NLRP9: variants seen among roughly 807,000 people sequenced by gnomAD.
NLRP9 encodes the protein NACHT, LRR and PYD domains-containing protein 9.
Under a neutral mutation model 83.1 loss-of-function variants are expected in NLRP9, and 88 were observed. The observed-to-expected ratio is 1.06, with a 90% CI of 0.89 to 1.26. The LOEUF is 1.26. Ranked by LOEUF, NLRP9 falls within the 50% of genes most tolerant of loss-of-function variation. NLRP9 has a pLI of 0.00. For missense variants in NLRP9, 1,308 were observed against 1,179.3 expected, an observed-to-expected ratio of 1.11 and a Z score of -1.60; for synonymous variants, 521 against 447.6, an observed-to-expected ratio of 1.16 and a Z score of -2.07.
At chr19:55,718,847 T>C (rs1187626635) in intron 4 of NLRP9, among the ~76,000 whole-genome samples, 6 of 152,220 alleles carry the variant, frequency 3.9e-5, no homozygotes. Context: ...TCCACCTGAC[T>C]AGAAATACCC....
At chr19:55,712,039 C>T (rs1048827764) in intron 7 of NLRP9, 69 bp from the exon 8 acceptor site, 1 of 1,488,154 alleles carries the variant, frequency 6.7e-7, no homozygotes, top group African/African-American at 1.4e-5. Flanking sequence ...GCCATTGTTA[C>T]TTGCTAATTA....
At chr19:55,712,732 A>G in intron 6 of NLRP9, 142 bp from the exon 7 acceptor site, 1 of 460,506 alleles carries the variant, frequency 2.2e-6, no homozygotes, top group Non-Finnish European at 3.8e-6. Flanking sequence ...GAAGGAGGAG[A>G]GAAGAATGAG....
chr19:55,737,648 A>C (rs1988818343), intron 1 of NLRP9: 2 of 170,178 alleles, frequency 1.2e-5, no homozygotes, highest in Non-Finnish European at 2.5e-5. Flanking sequence ...TCCTGTAATC[A>C]CAGCACTTTG....
chr19:55,716,793 C>T lies in NLRP9; in HGVS notation c.2265G>A (p.Arg755=). The change falls in exon 5 of 9, where the codon AGG becomes AGA. Residue 755 remains arginine, a synonymous_variant. Coordinates refer to ENST00000332836, the MANE Select transcript of NLRP9 (RefSeq NM_176820.4). ...KHLSLVENPL[R]DEGMTLLCEA... is the part of the protein sequence containing the mutation. ...CACACAGCAACGTCATTCCTTCGTC[C>T]CTCAAGGGATTTTCTACCAAGGAGA... 6.2e-7 allele frequency: 1 copy of T among 1,613,880 alleles called. No individual in the cohort carries two copies. Among genetic ancestry groups the T allele is most frequent in the Non-Finnish European group, 8.5e-7 (1 of 1,179,898 alleles).
At chr19:55,710,322 C>T (rs1287616155) in intron 8 of NLRP9, among the ~76,000 whole-genome samples, 1 of 152,164 alleles carries the variant, frequency 6.6e-6, no homozygotes, top group Non-Finnish European at 1.5e-5. Context: ...CTCTGCTATA[C>T]AGCTCCCCGG....
In NLRP9 at chr19:55,715,842, C is replaced by T. The variant is rs1173543702; in HGVS notation, c.2331-617G>A. The stretch of plus-strand genomic sequence containing the variant: ...GGCAAAAGTCACCCATTCTTTGCAA[C>T]AGAGTATACATATGGCTTAACGGAA... On this transcript the variant is annotated intron_variant, in intron 5 of 8. Transcript: ENST00000332836. Among the ~76,000 whole-genome samples the T allele has an allele frequency of 3.9e-5, 6 of 152,216 alleles. No individual in the cohort carries two copies. The East Asian group carries it at 5.8e-4, about 15-fold the overall frequency.
At chr19:55,733,919 A>AATTTTTTTTTTTTTTT (rs1555796186) in intron 1 of NLRP9, among the ~76,000 whole-genome samples, 2 of 117,872 alleles carry the variant, frequency 1.7e-5, no homozygotes, top group African/African-American at 7.2e-5. Context: ...TGTCAACCAA[A>AATTTTTTTTTTTTTTT]TTTTTTTTTT....
At chr19:55,721,833 A>AC (rs1225174246) in intron 4 of NLRP9, among the ~76,000 whole-genome samples, 2 of 152,176 alleles carry the variant, frequency 1.3e-5, no homozygotes, top group Non-Finnish European at 2.9e-5. Flanking sequence ...GTTTCCCTGC[A>AC]CAAGCTCTTT....
At chr19:55,727,247 CAA>C (rs1204688725) in intron 3 of NLRP9, among the ~76,000 whole-genome samples, 1 of 151,714 alleles carries the variant, frequency 6.6e-6, no homozygotes, top group Non-Finnish European at 1.5e-5. Context: ...GACTCCATCT[CAA>C]AAAAAGTTTT....
At chr19:55,715,568 C>G (rs991126084) in intron 5 of NLRP9, among the ~76,000 whole-genome samples, 1 of 152,248 alleles carries the variant, frequency 6.6e-6, no homozygotes, top group East Asian at 1.9e-4. Flanking sequence ...CCTGTAATCC[C>G]AGCTACTCGG....
chr19:55,724,836 T>A (rs1000739543), intron 3 of NLRP9, among the ~76,000 whole-genome samples: 1 of 152,134 alleles, frequency 6.6e-6, no homozygotes, highest in Non-Finnish European at 1.5e-5. Flanking sequence ...GGCAGGCAGA[T>A]CACATGAGGT....
At chr19:55,736,410 T>C (rs547032190) in intron 1 of NLRP9, among the ~76,000 whole-genome samples, 1 of 150,824 alleles carries the variant, frequency 6.6e-6, no homozygotes, top group African/African-American at 2.4e-5. Context: ...AAAAGTCATG[T>C]CATGTCTTAG....
intron 4 of NLRP9, among the ~76,000 whole-genome samples, chr19:55,717,608 C>T (rs989870360): frequency 6.6e-6 from 1 of 152,240 alleles, no homozygotes; most frequent in Non-Finnish European, 1.5e-5. Flanking sequence ...GTCAATAGCA[C>T]TACAAGAAAT....
intron 4 of NLRP9, among the ~76,000 whole-genome samples, chr19:55,723,358 A>G (rs1373270176): frequency 8.9e-6 from 1 of 112,006 alleles, no homozygotes; most frequent in Non-Finnish European, 2.1e-5. Flanking sequence ...ATCTTTAGGG[A>G]AAAAAAAATG....
Position 55,712,350 on chromosome 19 carries a change from T to C in NLRP9, c.2672+70A>G, listed in dbSNP as rs1244658891. The C allele has an allele frequency of 3.7e-6, 5 of 1,340,570 alleles. No homozygotes were observed. In the East Asian group the frequency reaches 6.9e-5, roughly 19 times the overall value. 83.0% of individuals were successfully genotyped at this position (1,340,570 alleles called of 1,614,324 possible). ...TTAAACCTGCCTCCCTTCCATTCTATTGACCCTCCAGCAATTCCTATTCTT... is the reference window on the plus strand; with the variant it reads ...TTAAACCTGCCTCCCTTCCATTCTACTGACCCTCCAGCAATTCCTATTCTT... On this transcript the variant is annotated intron_variant, in intron 7 of 8. Transcript: ENST00000332836.
intron 4 of NLRP9, among the ~76,000 whole-genome samples, chr19:55,722,246 C>T (rs1295244054): frequency 6.6e-6 from 1 of 152,108 alleles, no homozygotes; most frequent in Non-Finnish European, 1.5e-5. Flanking sequence ...ATATGTTCCC[C>T]AATCCTTATG....
Position 55,732,275 on chromosome 19 carries a change from A to T in NLRP9, c.1556T>A (p.Leu519Gln), listed in dbSNP as rs1988596473. ...TSFGFPLSKD[L>Q]KQEITQCLES... ...AAGGCATTGGGTTATTTCCTGCTTTAGGTCTTTTGACAGTGGAAAACCAAA... is the reference window on the plus strand; with the variant it reads ...AAGGCATTGGGTTATTTCCTGCTTTTGGTCTTTTGACAGTGGAAAACCAAA... Residue 519 changes from leucine to glutamine, a missense_variant, in exon 2 of 9, where the codon CTA (leucine) becomes CAA (glutamine). Transcript: ENST00000332836. 1 of 1,614,156 alleles carries T rather than the reference A, an allele frequency of 6.2e-7. No individual in the cohort carries two copies. The highest frequency in any genetic ancestry group is 1.3e-5 in the African/African-American group (1 of 75,058).
intron 1 of NLRP9, among the ~76,000 whole-genome samples, chr19:55,736,938 T>C (rs943733121): frequency 8.6e-5 from 13 of 150,572 alleles, no homozygotes; most frequent in Middle Eastern, 3.5e-3. Flanking sequence ...AAATAAGGTC[T>C]CAAATTAGAA....
intron 4 of NLRP9, among the ~76,000 whole-genome samples, chr19:55,717,429 G>A (rs1988065004): frequency 6.6e-6 from 1 of 152,164 alleles, no homozygotes; most frequent in Admixed American, 6.6e-5. Flanking sequence ...CAAAGCCCAC[G>A]CTTCTCACCA....
Sources: allele counts gnomAD v4.1 joint callset (sites outside exome capture counted in the v4.1 genomes callset), GRCh38; gene constraint gnomAD v4.1.1; transcripts MANE v1.5; gene names NCBI Gene and HGNC (gene_info 2026-07-23, HGNC 2026-07-21).